STX3: variants seen among roughly 807,000 people sequenced by gnomAD.
The protein encoded by STX3 is syntaxin-3.
A neutral mutation model predicts 40.2 loss-of-function variants in STX3; 19 were observed. The ratio of observed to expected loss-of-function variants is 0.47; its 90% CI spans 0.33 to 0.69. The LOEUF is 0.69. STX3 is among the 30% of genes least tolerant of loss of function. The pLI is 0.02. For synonymous variants in STX3, 122 were observed against 132.2 expected, an observed-to-expected ratio of 0.92 and a Z score of 0.53; for missense variants, 364 against 366.7, an observed-to-expected ratio of 0.99 and a Z score of 0.06.
chr11:59,766,209 C>T (rs1565164258), intron 1 of STX3, among the ~76,000 whole-genome samples: 1 of 152,182 alleles, frequency 6.6e-6, no homozygotes, highest in Non-Finnish European at 1.5e-5. Flanking sequence ...GGATGACTTC[C>T]TTTTTCTTTG....
At chr11:59,782,319 T>C (rs1335800530) in intron 2 of STX3, among the ~76,000 whole-genome samples, 1 of 152,256 alleles carries the variant, frequency 6.6e-6, no homozygotes, top group Non-Finnish European at 1.5e-5. Context: ...TTAAGACTTT[T>C]TTACAGGATT....
chr11:59,804,171 T>C lies in STX3; in HGVS notation c.*3347T>C, dbSNP rs1865998014. ...TATGGCTGTGAAGGGGCAGATATCA[T>C]AGCACACCTAACTCAACAGGATCTT... On this transcript the variant is annotated 3_prime_UTR_variant, in exon 11 of 11. Transcript: ENST00000337979. 1 of 152,186 alleles carries C rather than the reference T, an allele frequency of 6.6e-6. No homozygotes were observed. Among genetic ancestry groups the C allele is most frequent in the Non-Finnish European group, 1.5e-5 (1 of 68,058 alleles). 9.4% of individuals were successfully genotyped at this position (152,186 alleles called of 1,614,324 possible). A position where few individuals can be genotyped will look rare whatever the true frequency, so the allele number is the denominator to read the frequency against.
chr11:59,771,535 T>G (rs1392769436), intron 1 of STX3, among the ~76,000 whole-genome samples: 1 of 151,958 alleles, frequency 6.6e-6, no homozygotes, highest in Non-Finnish European at 1.5e-5. Flanking sequence ...AGGTTTTAAC[T>G]TTTGCATGCG....
Position 59,802,774 on chromosome 11 carries a change from G to T in STX3, c.*1950G>T. The T allele has an allele frequency of 1.0e-6, 1 of 986,192 alleles. No individual in the cohort carries two copies. The highest frequency in any genetic ancestry group is 1.2e-6 in the Non-Finnish European group (1 of 830,396). 61.1% of individuals were successfully genotyped at this position (986,192 alleles called of 1,614,324 possible). ...GCCACCATGTGGTGATTTTTATTCA[G>T]GTTTTAGAATGCAGTTCACACCTTT... is the stretch of plus-strand genomic sequence containing the variant. On this transcript the variant is annotated 3_prime_UTR_variant, in exon 11 of 11. Transcript: ENST00000337979.
chr11:59,757,855 T>C (rs482355), intron 1 of STX3, among the ~76,000 whole-genome samples: 24,273 of 152,176 alleles, frequency 0.16, 3,425 homozygotes, highest in African/African-American at 0.37. Flanking sequence ...TTAAGGTTTA[T>C]GTGGATTTTG....
chr11:59,804,909 T>A lies in STX3; in HGVS notation c.*4085T>A, dbSNP rs1412745715. 6.6e-6 allele frequency: 1 copy of A among 152,114 alleles called. No homozygotes were observed. Among genetic ancestry groups the A allele is most frequent in the East Asian group, 1.9e-4 (1 of 5,174 alleles). The allele number at this position is 152,114 out of a possible 1,614,324, so 9.4% of individuals were successfully genotyped here. A position where few individuals can be genotyped will look rare whatever the true frequency, so the allele number is the denominator to read the frequency against. ...GGCCAGTAACGTATGTATAAGAAAC[T>A]GTTATAGGCCGGGCACGGTGGCTCA... On this transcript the variant is annotated 3_prime_UTR_variant, in exon 11 of 11. Coordinates refer to ENST00000337979, the MANE Select transcript of STX3 (RefSeq NM_004177.5).
chr11:59,778,582 C>T (rs986740082), intron 2 of STX3, among the ~76,000 whole-genome samples: 1 of 152,174 alleles, frequency 6.6e-6, no homozygotes, highest in African/African-American at 2.4e-5. Context: ...TTTGTTGGGT[C>T]AGTGAAAATG....
chr11:59,765,244 A>G (rs991763303), intron 1 of STX3, among the ~76,000 whole-genome samples: 1 of 152,212 alleles, frequency 6.6e-6, no homozygotes, highest in Non-Finnish European at 1.5e-5. Flanking sequence ...TAGTGAGAGA[A>G]CTGGGCACTG....
At position 59,788,886 on chromosome 11, in the gene STX3, C is replaced by T. The variant is rs555374665; in HGVS notation, c.228C>T (p.Asp76=). 347 of 1,612,480 alleles carry T rather than the reference C, an allele frequency of 2.2e-4. 4 individuals carry two copies. The South Asian group carries it at 3.5e-3, about 16-fold the overall frequency. Residue 76 remains aspartate (D), a synonymous_variant, in exon 4 of 11, where the codon GAC becomes GAT. Transcript: ENST00000337979. ...APIPEPKTKD[D]LEQLTTEIKK... ...TTATTTACCCAGAAACCAAGGATGACCTAGAGCAGCTCACGACTGAGATTA... is the reference window on the plus strand; with the variant it reads ...TTATTTACCCAGAAACCAAGGATGATCTAGAGCAGCTCACGACTGAGATTA...
In STX3 at chr11:59,805,609, C is replaced by T. The variant is rs1866061486; in HGVS notation, c.*4785C>T. ...AGCTGGAGCTATGAGGATCTGAGTC[C>T]TAGGGGGCCCTCATTCACTAGCAGT... On this transcript the variant is annotated 3_prime_UTR_variant, in exon 11 of 11. Transcript: ENST00000337979. 1 of 152,078 alleles carries T rather than the reference C, an allele frequency of 6.6e-6. No individual in the cohort carries two copies. The highest frequency in any genetic ancestry group is 1.5e-5 in the Non-Finnish European group (1 of 68,022). 9.4% of individuals were successfully genotyped at this position (152,078 alleles called of 1,614,324 possible).
intron 8 of STX3, among the ~76,000 whole-genome samples, chr11:59,793,782 A>G (rs1865351189): frequency 6.6e-6 from 1 of 151,288 alleles, no homozygotes. Context: ...TGTTCTGTCA[A>G]GTACCCAGTT....
intron 2 of STX3, among the ~76,000 whole-genome samples, chr11:59,782,789 TAGAGACC>T (rs1864480063): frequency 6.6e-6 from 1 of 151,412 alleles, no homozygotes; most frequent in South Asian, 2.1e-4. Context: ...GCTCAGGAGT[TAGAGACC>T]AGCCTGGCCA....
At chr11:59,756,163 G>C (rs74850207) in intron 1 of STX3, among the ~76,000 whole-genome samples, 6,962 of 151,780 alleles carry the variant, frequency 0.046, 211 homozygotes, top group African/African-American at 0.058. Flanking sequence ...GGGTGTCATT[G>C]TCCCCCCCTC....
At chr11:59,768,119 T>C (rs1324010647) in intron 1 of STX3, among the ~76,000 whole-genome samples, 2 of 152,210 alleles carry the variant, frequency 1.3e-5, no homozygotes, top group Non-Finnish European at 2.9e-5. Context: ...ATATTTTTTA[T>C]AGAAGAAGGA....
In STX3 at chr11:59,801,664, GGACAAGGT is replaced by G. The variant is rs1865892365; in HGVS notation, c.*842_*849del. 2 of 985,752 alleles carry G rather than the reference GGACAAGGT, an allele frequency of 2.0e-6. No homozygotes were observed. The highest frequency in any genetic ancestry group is 3.5e-5 in the African/African-American group (2 of 57,348). 61.1% of individuals were successfully genotyped at this position (985,752 alleles called of 1,614,324 possible). On this transcript the variant is annotated 3_prime_UTR_variant, in exon 11 of 11. Transcript: ENST00000337979. ...AATCAGGGATTTTAAATTGGGCAAGGGACAAGGTGCTAGAATCCTAAGCTCTGGAAATA... is the reference window on the plus strand; with the variant it reads ...AATCAGGGATTTTAAATTGGGCAAGGGCTAGAATCCTAAGCTCTGGAAATA...
chr11:59,794,189 G>A (rs375068286), intron 8 of STX3, among the ~76,000 whole-genome samples: 1 of 152,048 alleles, frequency 6.6e-6, no homozygotes, highest in Admixed American at 6.5e-5. Context: ...TTGACAGAAA[G>A]ACTCGAAACA....
chr11:59,764,153 A>G (rs769197152), intron 1 of STX3, among the ~76,000 whole-genome samples: 38 of 152,342 alleles, frequency 2.5e-4, no homozygotes, highest in African/African-American at 3.4e-4. Flanking sequence ...TTTAAAGCAC[A>G]TGAGGTAAAT....
At chr11:59,795,781 C>A in intron 9 of STX3, 1 of 1,369,068 alleles carries the variant, frequency 7.3e-7, no homozygotes, top group Non-Finnish European at 1.0e-6. Flanking sequence ...CCTGGCCACC[C>A]CTACCTGTGT....
rs746258194 is a variant in STX3 at position 59,802,724 on chromosome 11, C to T, written c.*1900C>T. On this transcript the variant is annotated 3_prime_UTR_variant, in exon 11 of 11. Coordinates refer to ENST00000337979, the MANE Select transcript of STX3 (RefSeq NM_004177.5). ...TTGTGAAACGGTTCTGGCTCTGTCT[C>T]GATGCAGAAACACAATGATCTGGTG... The T allele has an allele frequency of 2.0e-5, 20 of 985,892 alleles. No homozygotes were observed. Among genetic ancestry groups the T allele is most frequent in the Non-Finnish European group, 2.3e-5 (19 of 830,052 alleles). 61.1% of individuals were successfully genotyped at this position (985,892 alleles called of 1,614,324 possible).
Sources: gnomAD v4.1 joint callset for allele counts (sites outside exome capture counted in the v4.1 genomes callset) on GRCh38, gnomAD v4.1.1 for gene constraint, MANE v1.5 for transcripts, NCBI Gene and HGNC (gene_info 2026-07-23, HGNC 2026-07-21) for gene names.